Variants in IKBKB observed in about 807,000 individuals in gnomAD.
IKBKB encodes the protein inhibitor of nuclear factor kappa-B kinase subunit beta.
In IKBKB, 42 loss-of-function variants were observed where a neutral mutation model predicts 113.6. The observed-to-expected ratio is 0.37, with a 90% CI of 0.29 to 0.48. The LOEUF (loss-of-function observed/expected upper bound fraction) is 0.48. Among genes scored for constraint, IKBKB ranks in the 20% least tolerant of loss-of-function variants. The pLI, the probability that IKBKB is intolerant of heterozygous loss-of-function variation, is 0.99. For synonymous variants in IKBKB, 296 were observed against 361.3 expected (o/e 0.82, Z 2.05); for missense variants, 673 against 939.7 (o/e 0.72, Z 3.71).
intron 2 of IKBKB, among the ~76,000 whole-genome samples, chr8:42,280,198 C>T (rs369750173): frequency 6.6e-6 from 1 of 152,120 alleles, no homozygotes; most frequent in African/African-American, 2.4e-5. Flanking sequence ...CCTTGTTAGA[C>T]AGAGAACCCC....
At chr8:42,328,709 T>C (rs1182595760) in intron 20 of IKBKB, among the ~76,000 whole-genome samples, 1 of 152,234 alleles carries the variant, frequency 6.6e-6, no homozygotes, top group Non-Finnish European at 1.5e-5. Flanking sequence ...AACTTGATTT[T>C]CAACAGATTC....
Position 42,272,191 on chromosome 8 carries a change from C to G in IKBKB, c.91C>G (p.Arg31Gly). The G allele has an allele frequency of 6.2e-7, 1 of 1,614,078 alleles. No homozygotes were observed. Among genetic ancestry groups the G allele is most frequent in the Non-Finnish European group, 8.5e-7 (1 of 1,180,028 alleles). The change falls in exon 2 of 22, where the codon CGA becomes GGA. Residue 31 changes from arginine (R) to glycine (G), a missense_variant. Around this residue, in one of 2 missense-constraint regions of IKBKB, gnomAD observed 167 missense variants for 301.0 expected, o/e 0.55. Coordinates refer to ENST00000520810, the MANE Select transcript of IKBKB (RefSeq NM_001556.3). Reference protein sequence around the residue: ...LGTGGFGNVIRWHNQETGEQI... With the variant: ...LGTGGFGNVIGWHNQETGEQI... ...GACAGGGGGATTTGGAAATGTCATC[C>G]GATGGCACAATCAGGTAGGCCCTCT...
chr8:42,306,000 G>A lies in IKBKB; in HGVS notation c.478-343G>A, dbSNP rs115317366. Among the ~76,000 whole-genome samples, 543 of 152,352 alleles carry A rather than the reference G, an allele frequency of 3.6e-3. 6 individuals carry two copies. Among genetic ancestry groups the A allele is most frequent in the African/African-American group, 0.012 (503 of 41,580 alleles). ...TGGTGCTCAGATTTGAGAACTGAGG[G>A]CATTTACTGAGAAGAGGCTGGCCCG... On this transcript the variant is annotated intron_variant, in intron 6 of 21. Coordinates refer to ENST00000520810, the MANE Select transcript of IKBKB (RefSeq NM_001556.3).
At chr8:42,279,831 A>G (rs764226981) in intron 2 of IKBKB, among the ~76,000 whole-genome samples, 4 of 152,034 alleles carry the variant, frequency 2.6e-5, no homozygotes, top group African/African-American at 7.2e-5. Flanking sequence ...GGAAGGGGAA[A>G]ACACTTCTTT....
chr8:42,299,485 AC>A (rs1183094115), intron 5 of IKBKB, among the ~76,000 whole-genome samples: 1 of 151,160 alleles, frequency 6.6e-6, no homozygotes, highest in Non-Finnish European at 1.5e-5. Flanking sequence ...TCTGTGTGTG[AC>A]CCTTGGAACC....
intron 19 of IKBKB, among the ~76,000 whole-genome samples, chr8:42,322,784 C>G (rs978536920): frequency 6.6e-6 from 1 of 152,200 alleles, no homozygotes; most frequent in Non-Finnish European, 1.5e-5. Flanking sequence ...GGCATGGTGA[C>G]TCATGCCTGT....
intron 16 of IKBKB, 74 bp from the exon 17 acceptor site, chr8:42,321,822 A>G: frequency 2.8e-6 from 3 of 1,081,934 alleles, no homozygotes; most frequent in Admixed American, 2.4e-5. Flanking sequence ...GTGAAACTCT[A>G]CCTCTACCAA....
chr8:42,275,405 G>T (rs1189709682), intron 2 of IKBKB, among the ~76,000 whole-genome samples: 10 of 151,868 alleles, frequency 6.6e-5, no homozygotes, highest in Non-Finnish European at 1.5e-4. Flanking sequence ...GGCTGGTCTC[G>T]AATTCCTGGA....
chr8:42,295,596 G>C (rs745538375), intron 5 of IKBKB, among the ~76,000 whole-genome samples: 2 of 152,152 alleles, frequency 1.3e-5, no homozygotes, highest in Non-Finnish European at 2.9e-5. Context: ...ATGGTGACGG[G>C]CGCCTGTAAT....
chr8:42,326,760 C>T (rs1285335872), intron 20 of IKBKB, among the ~76,000 whole-genome samples: 1 of 152,226 alleles, frequency 6.6e-6, no homozygotes, highest in East Asian at 1.9e-4. Context: ...GGAGACCTCA[C>T]TTGAGAGCTC....
At chr8:42,300,881 G>T (rs900013605) in intron 5 of IKBKB, among the ~76,000 whole-genome samples, 4 of 152,322 alleles carry the variant, frequency 2.6e-5, no homozygotes, top group Middle Eastern at 3.4e-3. Context: ...TAGAGGCAGG[G>T]TCTTGCTCTG....
In IKBKB at chr8:42,316,564, A is replaced by G. The variant is rs1008547844; in HGVS notation, c.931-146A>G. On this transcript the variant is annotated intron_variant, in intron 10 of 21. Transcript: ENST00000520810. The surrounding 1 kb of genome is among the most constrained non-coding windows in gnomAD (Gnocchi z 4.5). ...TATGAAAGATGCAAATATGCGAAACATGGCACATGACCTCCCTCCCTCAAG... is the reference window on the plus strand; with the variant it reads ...TATGAAAGATGCAAATATGCGAAACGTGGCACATGACCTCCCTCCCTCAAG... 8 of 885,298 alleles carry G rather than the reference A, an allele frequency of 9.0e-6. No homozygotes were observed. In the East Asian group the frequency reaches 1.9e-4, roughly 21 times the overall value. The allele number at this position is 885,298 out of a possible 1,614,324, so 54.8% of individuals were successfully genotyped here.
At chr8:42,311,955 C>G (rs889523137) in intron 8 of IKBKB, among the ~76,000 whole-genome samples, 1 of 152,120 alleles carries the variant, frequency 6.6e-6, no homozygotes, top group Non-Finnish European at 1.5e-5. Context: ...GGCGCGATCG[C>G]GGCTCACTGC....
chr8:42,322,592 C>A (rs2130687031), intron 19 of IKBKB, 98 bp downstream of exon 19: 1 of 1,233,704 alleles, frequency 8.1e-7, no homozygotes. Context: ...CACCACAGAG[C>A]CACCAGCAGC....
intron 19 of IKBKB, among the ~76,000 whole-genome samples, chr8:42,323,666 T>C (rs1415154663): frequency 2.0e-5 from 3 of 152,088 alleles, no homozygotes; most frequent in Non-Finnish European, 4.4e-5. Flanking sequence ...CCACACACAG[T>C]GCAGAGAACA....
intron 1 of IKBKB, 48 bp downstream of exon 1, chr8:42,271,517 C>A: frequency 1.5e-6 from 1 of 654,222 alleles, no homozygotes; most frequent in Non-Finnish European, 2.5e-6. Context: ...GCAGGCCCCG[C>A]CGCCCCGCTG....
At chr8:42,323,834 A>T (rs1820228736) in intron 19 of IKBKB, among the ~76,000 whole-genome samples, 1 of 152,164 alleles carries the variant, frequency 6.6e-6, no homozygotes, top group South Asian at 2.1e-4. Context: ...TGATAGCCTG[A>T]TGTGCCATCT....
At chr8:42,307,744 C>G (rs187509226) in intron 7 of IKBKB, among the ~76,000 whole-genome samples, 2 of 152,208 alleles carry the variant, frequency 1.3e-5, no homozygotes, top group Admixed American at 1.3e-4. Flanking sequence ...AAGGGGGACC[C>G]CATGCTCTAA....
intron 19 of IKBKB, among the ~76,000 whole-genome samples, chr8:42,324,072 C>A (rs1439979075): frequency 6.6e-6 from 1 of 152,108 alleles, no homozygotes; most frequent in African/African-American, 2.4e-5. Context: ...GAGGGAGCAA[C>A]AAGAAGGTTC....
Sources: allele counts gnomAD v4.1 joint callset (sites outside exome capture counted in the v4.1 genomes callset), GRCh38; gene constraint gnomAD v4.1.1; regional missense constraint gnomAD v4.1.1; non-coding constraint Gnocchi (gnomAD v3.1); transcripts MANE v1.5; gene names NCBI Gene and HGNC (gene_info 2026-07-23, HGNC 2026-07-21).